Variants in PLCB4 observed in about 807,000 individuals in gnomAD.
PLCB4 encodes phospholipase C beta 4, also known as 1-phosphatidylinositol 4,5-bisphosphate phosphodiesterase beta-4.
A neutral mutation model predicts 178.8 loss-of-function variants in PLCB4; 77 were observed. The observed-to-expected ratio is 0.43, with a 90% CI of 0.36 to 0.52. The LOEUF (loss-of-function observed/expected upper bound fraction) is 0.52. Among genes scored for constraint, PLCB4 ranks in the 20% least tolerant of loss-of-function variants. The pLI is 0.00. For synonymous variants in PLCB4, 496 were observed against 490.8 expected, an observed-to-expected ratio of 1.01 and a Z score of -0.14; for missense variants, 1,024 against 1,453.4, an observed-to-expected ratio of 0.70 and a Z score of 4.80.
intron 28 of PLCB4, among the ~76,000 whole-genome samples, chr20:9,429,295 C>T (rs1443383512): frequency 6.6e-6 from 1 of 152,076 alleles, no homozygotes; most frequent in Non-Finnish European, 1.5e-5. Flanking sequence ...TGTGGCTCCC[C>T]CCAGCAAGGC....
chr20:9,089,186 A>G (rs1269755705), intron 1 of PLCB4, among the ~76,000 whole-genome samples: 3 of 151,920 alleles, frequency 2.0e-5, no homozygotes, highest in African/African-American at 4.8e-5. Context: ...ACCAGAATTT[A>G]TAGGTGACAA....
intron 2 of PLCB4, among the ~76,000 whole-genome samples, chr20:9,142,580 T>C (rs1187944070): frequency 6.6e-6 from 1 of 152,154 alleles, no homozygotes; most frequent in Non-Finnish European, 1.5e-5. Flanking sequence ...TATCTTCAGA[T>C]ACTGACATCT....
intron 2 of PLCB4, among the ~76,000 whole-genome samples, chr20:9,100,832 T>C (rs1285013651): frequency 1.3e-5 from 2 of 152,312 alleles, no homozygotes; most frequent in Admixed American, 6.5e-5. Context: ...CTCTTCCTCC[T>C]GTGCGCTGAT....
chr20:9,078,632 G>T (rs1282629812), intron 1 of PLCB4, among the ~76,000 whole-genome samples: 2 of 152,108 alleles, frequency 1.3e-5, no homozygotes, highest in Admixed American at 6.6e-5. Context: ...AAAGTGCTGG[G>T]ATTACAGGTG....
chr20:9,135,001 A>G (rs1335752025), intron 2 of PLCB4, among the ~76,000 whole-genome samples: 1 of 152,092 alleles, frequency 6.6e-6, no homozygotes, highest in Non-Finnish European at 1.5e-5. Flanking sequence ...CTTTTGGCAG[A>G]AGATAATAGC....
At chr20:9,319,850 G>A (rs1372846303) in intron 4 of PLCB4, among the ~76,000 whole-genome samples, 1 of 152,136 alleles carries the variant, frequency 6.6e-6, no homozygotes, top group Non-Finnish European at 1.5e-5. Context: ...ATCAGCCTTA[G>A]CCCAGTCAAG....
chr20:9,188,103 G>C (rs2093352536), intron 2 of PLCB4, among the ~76,000 whole-genome samples: 1 of 152,210 alleles, frequency 6.6e-6, no homozygotes, highest in African/African-American at 2.4e-5. Context: ...ACAAGTCCCT[G>C]CTTTCGTGGA....
At chr20:9,355,875 G>C (rs2148190573) in intron 7 of PLCB4, among the ~76,000 whole-genome samples, 1 of 152,282 alleles carries the variant, frequency 6.6e-6, no homozygotes, top group African/African-American at 2.4e-5. Flanking sequence ...TCACCACACT[G>C]ACTTCCACAA....
In PLCB4 at chr20:9,393,539, T is replaced by C. The variant is rs751190566; in HGVS notation, c.1324-49T>C. 6.3e-6 allele frequency: 8 copies of C among 1,261,080 alleles called. No individual in the cohort carries two copies. The South Asian group carries it at 7.3e-5, about 12-fold the overall frequency. 78.1% of individuals were successfully genotyped at this position (1,261,080 alleles called of 1,614,324 possible). ...GCTCCTCCTGGACTGGGAAGGAGAA[T>C]GGAGAAGCACAGCCCTTCCTTAATT... is the stretch of plus-strand genomic sequence containing the variant. On this transcript the variant is annotated intron_variant, in intron 17 of 39. Coordinates refer to ENST00000378473, the MANE Select transcript of PLCB4 (RefSeq NM_001377142.1).
intron 35 of PLCB4, among the ~76,000 whole-genome samples, chr20:9,463,593 CAAAAAA>C (rs145361980): frequency 4.0e-5 from 2 of 49,714 alleles, no homozygotes; most frequent in African/African-American, 1.6e-4. Context: ...AAATGGAAAG[CAAAAAA>C]AAAAAAAAAA....
intron 3 of PLCB4, among the ~76,000 whole-genome samples, chr20:9,249,553 C>T (rs1040635733): frequency 2.0e-5 from 3 of 152,128 alleles, no homozygotes; most frequent in African/African-American, 4.8e-5. Flanking sequence ...TGGCTTCAAG[C>T]GTCAGTCTCC....
At chr20:9,320,259 T>G (rs1259727862) in intron 4 of PLCB4, among the ~76,000 whole-genome samples, 1 of 152,188 alleles carries the variant, frequency 6.6e-6, no homozygotes, top group African/African-American at 2.4e-5. Context: ...CTTTTTAGAC[T>G]ATATAGGGTA....
intron 3 of PLCB4, among the ~76,000 whole-genome samples, chr20:9,244,208 C>T (rs2094099969): frequency 6.6e-6 from 1 of 152,188 alleles, no homozygotes; most frequent in Admixed American, 6.5e-5. Context: ...AACTTTCCCA[C>T]ATTTTCTAGA....
chr20:9,240,706 T>A (rs1601384828), intron 3 of PLCB4, among the ~76,000 whole-genome samples: 1 of 152,216 alleles, frequency 6.6e-6, no homozygotes, highest in African/African-American at 2.4e-5. Flanking sequence ...TTTGTCTTTA[T>A]CTTCTATTCT....
chr20:9,453,182 AC>A (rs753357685), intron 32 of PLCB4, among the ~76,000 whole-genome samples, 164 bp from the exon 33 acceptor site: 68 of 152,306 alleles, frequency 4.5e-4, no homozygotes, highest in South Asian at 1.9e-3. Flanking sequence ...GGACAAAAAA[AC>A]CGGTGTTGAA....
At chr20:9,100,725 T>C (rs908289861) in intron 2 of PLCB4, among the ~76,000 whole-genome samples, 4 of 152,178 alleles carry the variant, frequency 2.6e-5, no homozygotes, top group African/African-American at 9.6e-5. Context: ...TTCTGATTCC[T>C]ACTTGGCTAG....
intron 2 of PLCB4, among the ~76,000 whole-genome samples, chr20:9,205,622 T>A (rs2093606247): frequency 6.6e-6 from 1 of 152,226 alleles, no homozygotes; most frequent in African/African-American, 2.4e-5. Flanking sequence ...ACTGACCTTA[T>A]TAAGATTTTA....
At chr20:9,114,758 T>G (rs1370122998) in intron 2 of PLCB4, among the ~76,000 whole-genome samples, 1 of 152,194 alleles carries the variant, frequency 6.6e-6, no homozygotes, top group East Asian at 1.9e-4. Context: ...AATCATATTA[T>G]GGCACCTGGG....
chr20:9,141,855 G>A (rs1396076870), intron 2 of PLCB4, among the ~76,000 whole-genome samples: 1 of 152,062 alleles, frequency 6.6e-6, no homozygotes, highest in Non-Finnish European at 1.5e-5. Context: ...TTTAGGAAAA[G>A]TTGCCTAGAA....
Sources: gnomAD v4.1 joint callset for allele counts (sites outside exome capture counted in the v4.1 genomes callset) on GRCh38, gnomAD v4.1.1 for gene constraint, MANE v1.5 for transcripts, NCBI Gene and HGNC (gene_info 2026-07-23, HGNC 2026-07-21) for gene names.